NOX4: variants seen among roughly 807,000 people sequenced by gnomAD.
NOX4 encodes NADPH oxidase 4.
NOX4 carries 69 observed loss-of-function variants against 87.6 expected under a neutral mutation model. The ratio of observed to expected loss-of-function variants is 0.79; its 90% CI spans 0.65 to 0.96. The LOEUF (loss-of-function observed/expected upper bound fraction) is 0.96, where lower values mean the gene tolerates loss of function less well. NOX4 is among the 40% of genes least tolerant of loss of function. The probability of loss-of-function intolerance (pLI) is 0.00; values close to 1 mark genes in which losing one functional copy is unlikely to be tolerated. For missense variants in NOX4, 680 were observed against 681.5 expected (o/e 1.00, Z 0.02); for synonymous variants, 275 against 238.2 (o/e 1.15, Z -1.42).
At chr11:89,510,684 T>C in the NOX4 span, among the ~76,000 whole-genome samples, 1 of 152,100 alleles carries the variant, frequency 6.6e-6, no homozygotes, top group Admixed American at 6.6e-5. Context: ...GAACTTTTTA[T>C]AAACTTAAAA....
At chr11:89,348,102 C>T (rs1031444922) in intron 13 of NOX4, among the ~76,000 whole-genome samples, 1 of 152,068 alleles carries the variant, frequency 6.6e-6, no homozygotes, top group African/African-American at 2.4e-5. Context: ...AAAGACCAGG[C>T]CTGTGATAAC....
the NOX4 span, among the ~76,000 whole-genome samples, chr11:89,516,990 T>C: frequency 2.6e-5 from 3 of 113,728 alleles, no homozygotes; most frequent in Admixed American, 2.8e-4. Context: ...CTCCTCCTCC[T>C]CCTCCTGCTC....
At chr11:89,528,267 T>C in the NOX4 span, among the ~76,000 whole-genome samples, 18 of 152,246 alleles carry the variant, frequency 1.2e-4, no homozygotes, top group East Asian at 3.5e-3. Context: ...TTTTACAGGC[T>C]CCTAGGTGAA....
intron 11 of NOX4, among the ~76,000 whole-genome samples, chr11:89,399,272 CT>C (rs1167275535): frequency 8.6e-5 from 13 of 150,516 alleles, no homozygotes; most frequent in Admixed American, 6.7e-4. Flanking sequence ...TGGATTTTAC[CT>C]TTTCTAAACA....
At chr11:89,362,507 A>C (rs1938608914) in intron 12 of NOX4, among the ~76,000 whole-genome samples, 1 of 152,090 alleles carries the variant, frequency 6.6e-6, no homozygotes, top group African/African-American at 2.4e-5. Flanking sequence ...GCTCCTGATC[A>C]TATATAATAG....
At position 89,340,123 on chromosome 11, in the gene NOX4, T is replaced by C. The variant is rs145793504; in HGVS notation, c.1386A>G (p.Val462=). The change falls in exon 15 of 18, where the codon GTA becomes GTG. Residue 462 remains valine (V), a synonymous_variant. Coordinates refer to ENST00000263317, the MANE Select transcript of NOX4 (RefSeq NM_016931.5). The stretch of plus-strand genomic sequence containing the variant: ...AACGGAAGGACTGGATATCTCTGCA[T>C]ACCCAAATAAAGTATAGTCTTCTAA... ...YKLRRLYFIW[V]CRDIQSFRWF... 1.6e-5 allele frequency: 26 copies of C among 1,588,756 alleles called. No homozygotes were observed. In the African/African-American group the frequency reaches 3.2e-4, roughly 19 times the overall value.
the NOX4 span, among the ~76,000 whole-genome samples, chr11:89,573,962 C>T: frequency 2.0e-5 from 3 of 152,110 alleles, no homozygotes; most frequent in East Asian, 5.8e-4. Flanking sequence ...GGTGGAGTCG[C>T]CCCAGAAGGT....
At chr11:89,579,644 TTAATAA>T in the NOX4 span, among the ~76,000 whole-genome samples, 4 of 151,578 alleles carry the variant, frequency 2.6e-5, no homozygotes, top group African/African-American at 9.7e-5. Context: ...AGGACCTTAG[TTAATAA>T]TAATATATAA....
chr11:89,455,065 C>T (rs887730777), intron 2 of NOX4, among the ~76,000 whole-genome samples: 1 of 152,022 alleles, frequency 6.6e-6, no homozygotes, highest in South Asian at 2.1e-4. Context: ...CTCCTATAGG[C>T]CATATACATT....
At chr11:89,348,126 CTA>C (rs1478417710) in intron 13 of NOX4, among the ~76,000 whole-genome samples, 8 of 152,064 alleles carry the variant, frequency 5.3e-5, no homozygotes, top group Non-Finnish European at 1.0e-4. Flanking sequence ...GTGATAAGAC[CTA>C]TGTCTCTGGT....
intron 8 of NOX4, among the ~76,000 whole-genome samples, chr11:89,412,225 A>G (rs1942517894): frequency 6.6e-6 from 1 of 152,192 alleles, no homozygotes; most frequent in Admixed American, 6.5e-5. Flanking sequence ...ATAGTTGGAG[A>G]TTTCAACATT....
the NOX4 span, among the ~76,000 whole-genome samples, chr11:89,579,822 T>C: frequency 6.6e-6 from 1 of 151,820 alleles, no homozygotes; most frequent in African/African-American, 2.4e-5. Flanking sequence ...AATTCAAAAA[T>C]GAAGTAGATG....
chr11:89,446,855 T>G (rs1944731374), intron 4 of NOX4, among the ~76,000 whole-genome samples: 1 of 152,182 alleles, frequency 6.6e-6, no homozygotes, highest in Admixed American at 6.5e-5. Flanking sequence ...TGAACCCTGA[T>G]GTAAAGCATG....
intron 2 of NOX4, among the ~76,000 whole-genome samples, chr11:89,475,693 G>A (rs1946137240): frequency 6.6e-6 from 1 of 151,942 alleles, no homozygotes; most frequent in African/African-American, 2.4e-5. Flanking sequence ...CAATAGAATA[G>A]GAACAGGGAA....
upstream of NOX4, among the ~76,000 whole-genome samples, chr11:89,503,011 A>G (rs1947037882): frequency 6.6e-6 from 1 of 152,004 alleles, no homozygotes; most frequent in African/African-American, 2.4e-5. Flanking sequence ...TACTCATCAT[A>G]TCTGGCCTAT....
At chr11:89,389,144 T>C (rs1293639985) in intron 11 of NOX4, among the ~76,000 whole-genome samples, 1 of 152,116 alleles carries the variant, frequency 6.6e-6, no homozygotes, top group Non-Finnish European at 1.5e-5. Flanking sequence ...GATTTTACCA[T>C]GAGAAAATAT....
chr11:89,399,023 G>GA (rs1411492858), intron 11 of NOX4, among the ~76,000 whole-genome samples: 4 of 151,968 alleles, frequency 2.6e-5, no homozygotes, highest in African/African-American at 9.7e-5. Flanking sequence ...AAACAGTAGA[G>GA]AAAAGGATTG....
upstream of NOX4, among the ~76,000 whole-genome samples, chr11:89,501,501 T>A (rs1388670451): frequency 6.6e-6 from 1 of 152,052 alleles, no homozygotes; most frequent in East Asian, 1.9e-4. Flanking sequence ...AAAAGATTGT[T>A]TTTGCTGTGG....
chr11:89,342,489 G>A (rs1415503729), intron 13 of NOX4, among the ~76,000 whole-genome samples: 2 of 151,818 alleles, frequency 1.3e-5, no homozygotes, highest in African/African-American at 4.8e-5. Flanking sequence ...TTAAAGCTCT[G>A]ATCATATTAG....
Sources: allele counts gnomAD v4.1 joint callset (sites outside exome capture counted in the v4.1 genomes callset), GRCh38; gene constraint gnomAD v4.1.1; transcripts MANE v1.5; gene names NCBI Gene and HGNC (gene_info 2026-07-23, HGNC 2026-07-21).